PRB3: variants seen among roughly 807,000 people sequenced by gnomAD.
PRB3 encodes basic salivary proline-rich protein 3.
PRB3 carries 9 observed loss-of-function variants against 10.0 expected under a neutral mutation model. That is an observed-to-expected ratio of 0.90 (90% CI 0.54 to 1.57). The LOEUF (loss-of-function observed/expected upper bound fraction) is 1.57, where lower values mean the gene tolerates loss of function less well. Among genes scored for constraint, PRB3 ranks in the 40% most tolerant of loss-of-function variants. The pLI, the probability that PRB3 is intolerant of heterozygous loss-of-function variation, is 0.00. For missense variants in PRB3, 285 were observed against 385.5 expected (o/e 0.74, Z 2.18); for synonymous variants, 89 against 138.6 (o/e 0.64, Z 2.52).
Position 11,267,213 on chromosome 12 carries a change from G to T in PRB3, c.1036C>A (p.Gln346Lys), listed in dbSNP as rs1489411270. Residue 346 changes from glutamine (Q) to lysine (K), a missense_variant, in exon 3 of 4, where the codon CAG becomes AAG. Physicochemically the swap from Gln to Lys is moderately conservative, Grantham distance 53. Transcript: ENST00000538488. ...CTTGATTACTGGGGAGGCTGTCCCT[G>T]GGGAGGTCTGTGTGGTCTGCCCCCT... Reference protein sequence around the residue: ...PQGGRPHRPPQGQPPQ With the variant: ...PQGGRPHRPPKGQPPQ 1.2e-6 allele frequency: 2 copies of T among 1,613,912 alleles called. No individual in the cohort carries two copies. Among genetic ancestry groups the T allele is most frequent in the South Asian group, 2.2e-5 (2 of 91,062 alleles).
At chr12:11,268,295 G>A in intron 2 of PRB3, 147 bp from the exon 3 acceptor site, 1 of 1,391,568 alleles carries the variant, frequency 7.2e-7, no homozygotes, top group Non-Finnish European at 9.9e-7. Context: ...GGAGTGGAAT[G>A]CTGGAGAAGA....
intron 3 of PRB3, among the ~76,000 whole-genome samples, chr12:11,266,853 A>G (rs1948591774): frequency 6.6e-6 from 1 of 152,216 alleles, no homozygotes; most frequent in African/African-American, 2.4e-5. Context: ...AACAGTGCTC[A>G]GGTGAAAAAT....
Position 11,268,763 on chromosome 12 carries a change from C to T in PRB3, c.65-95G>A, listed in dbSNP as rs535813763. ...AGGGAAAGGGGACTTCTCACCACAC[C>T]CCATGCATCCCCTAGGTTAGCTCAT... On this transcript the variant is annotated intron_variant, in intron 1 of 3. Transcript: ENST00000538488. 66 of 1,369,166 alleles carry T rather than the reference C, an allele frequency of 4.8e-5. 1 individual carries two copies. The Admixed American group carries it at 1.1e-3, about 23-fold the overall frequency. The allele number at this position is 1,369,166 out of a possible 1,614,324, so 84.8% of individuals were successfully genotyped here. A position where few individuals can be genotyped will look rare whatever the true frequency, so the allele number is the denominator to read the frequency against.
chr12:11,267,264 GC>G lies in PRB3; in HGVS notation c.984del (p.Lys328AsnfsTer63). The G allele has an allele frequency of 6.2e-7, 1 of 1,613,702 alleles. No individual in the cohort carries two copies. Among genetic ancestry groups the G allele is most frequent in the Non-Finnish European group, 8.5e-7 (1 of 1,179,740 alleles). On this transcript the variant is annotated frameshift_variant, in exon 3 of 4. Transcript: ENST00000538488. LOFTEE classifies it low-confidence loss of function (END_TRUNC). The part of the protein sequence containing the change: ...PQQPLPPPAG[K>X]PQGPPPPPQG... ...TGAGGAGGTGGAGGTGGTCCCTGGG[GC>G]TTTCCAGCGGGAGGTGGCAGAGGCT... is the stretch of plus-strand genomic sequence containing the variant.
In PRB3 at chr12:11,268,130, C is replaced by T. The variant is rs71455370; in HGVS notation, c.119G>A (p.Arg40His). ...TTGGGGCTGGTTTCCTCCTTGTGGGCGTCGTCCTTCTGGCTTTCCTGGAGG... is the reference window on the plus strand; with the variant it reads ...TTGGGGCTGGTTTCCTCCTTGTGGGTGTCGTCCTTCTGGCTTTCCTGGAGG... The part of the protein sequence containing the change: ...SVISGKPEGR[R>H]PQGGNQPQRT... The change falls in exon 3 of 4, where the codon CGC becomes CAC. Residue 40 changes from arginine (R) to histidine (H), a missense_variant. By Grantham distance (29) the Arg-to-His change is conservative. Coordinates refer to ENST00000538488, the MANE Select transcript of PRB3 (RefSeq NM_001394862.1). The T allele has an allele frequency of 2.6e-5, 35 of 1,365,350 alleles. No individual in the cohort carries two copies. The highest frequency in any genetic ancestry group is 3.0e-5 in the Non-Finnish European group (31 of 1,023,614). The allele number at this position is 1,365,350 out of a possible 1,614,324, so 84.6% of individuals were successfully genotyped here. A position where few individuals can be genotyped will look rare whatever the true frequency, so the allele number is the denominator to read the frequency against.
At position 11,268,873 on chromosome 12, in the gene PRB3, C is replaced by T. The variant is rs558057126; in HGVS notation, c.65-205G>A. The stretch of plus-strand genomic sequence containing the variant: ...TACCACACAGAGCAACAGCCATGAA[C>T]TCAATATAGAAGAGCCCCTTTTTTT... On this transcript the variant is annotated intron_variant, in intron 1 of 3. Transcript: ENST00000538488. The T allele has an allele frequency of 1.2e-5, 8 of 661,816 alleles. No homozygotes were observed. The African/African-American group carries it at 1.4e-4, about 12-fold the overall frequency. The allele number at this position is 661,816 out of a possible 1,614,324, so 41.0% of individuals were successfully genotyped here. A position where few individuals can be genotyped will look rare whatever the true frequency, so the allele number is the denominator to read the frequency against.
intron 2 of PRB3, 29 bp from the exon 3 acceptor site, chr12:11,268,177 T>C: frequency 6.2e-7 from 1 of 1,613,680 alleles, no homozygotes; most frequent in Non-Finnish European, 8.5e-7. Context: ...CGGCATTCAC[T>C]GAATAGTTGC....
chr12:11,267,020 C>T (rs1178624514), intron 3 of PRB3, among the ~76,000 whole-genome samples, 156 bp downstream of exon 3: 1 of 152,204 alleles, frequency 6.6e-6, no homozygotes, highest in Non-Finnish European at 1.5e-5. Context: ...AATACAGGGT[C>T]TTCTTACCCT....
rs1431518480 is a variant in PRB3 at position 11,269,674 on chromosome 12, C to T, written c.-5G>A. The T allele has an allele frequency of 4.3e-6, 7 of 1,613,846 alleles. No individual in the cohort carries two copies. The Admixed American group carries it at 5.0e-5, about 12-fold the overall frequency. On this transcript the variant is annotated 5_prime_UTR_variant, in exon 1 of 4. Coordinates refer to ENST00000538488, the MANE Select transcript of PRB3 (RefSeq NM_001394862.1). ...CGACAGCAGAATCAGTAGCATCTTG[C>T]TGGAGGCTCTGGAGTCACTCCCAAC...
At chr12:11,268,497 G>T (rs1053925585) in intron 2 of PRB3, 136 bp downstream of exon 2, 3 of 1,238,148 alleles carry the variant, frequency 2.4e-6, no homozygotes, top group African/African-American at 1.5e-5. Flanking sequence ...GTTGCATGAA[G>T]ATTGCCTGCA....
At position 11,269,649 on chromosome 12, in the gene PRB3, C is replaced by T. The variant is rs374214346; in HGVS notation, c.21G>A (p.Ser7=). 8.5e-5 allele frequency: 137 copies of T among 1,613,928 alleles called. No individual in the cohort carries two copies. The highest frequency in any genetic ancestry group is 2.3e-4 in the Admixed American group (14 of 60,002). MLLILL[S]VALLALSSAQ... Reference sequence around the variant, plus strand: ...CTGAGCTCAGGGCCAGCAGGGCCACCGACAGCAGAATCAGTAGCATCTTGC... The same window carrying T: ...CTGAGCTCAGGGCCAGCAGGGCCACTGACAGCAGAATCAGTAGCATCTTGC... The change falls in exon 1 of 4, where the codon TCG becomes TCA. Residue 7 remains serine, a synonymous_variant. Coordinates refer to ENST00000538488, the MANE Select transcript of PRB3 (RefSeq NM_001394862.1).
Position 11,267,273 on chromosome 12 carries a change from C to A in PRB3, c.976G>T (p.Ala326Ser), listed in dbSNP as rs200124888. The A allele has an allele frequency of 2.2e-5, 36 of 1,612,800 alleles. No homozygotes were observed. Among genetic ancestry groups the A allele is most frequent in the Admixed American group, 1.0e-4 (6 of 59,946 alleles). ...GGAGGTGGTCCCTGGGGCTTTCCAG[C>A]GGGAGGTGGCAGAGGCTGCTGGGGA... ...GNPQQPLPPP[A>S]GKPQGPPPPP... Residue 326 changes from alanine (A) to serine (S), a missense_variant, in exon 3 of 4, where the codon GCT (alanine) becomes TCT (serine). Physicochemically the swap from Ala to Ser is moderately conservative, Grantham distance 99. Coordinates refer to ENST00000538488, the MANE Select transcript of PRB3 (RefSeq NM_001394862.1).
chr12:11,268,173 T>C (rs757752210), intron 2 of PRB3, 25 bp from the exon 3 acceptor site: 5 of 1,613,532 alleles, frequency 3.1e-6, no homozygotes, highest in Non-Finnish European at 4.2e-6. Flanking sequence ...CACACGGCAT[T>C]CACTGAATAG....
rs769836435 is a variant in PRB3, at chr12:11,267,965, C to T, written c.284G>A (p.Arg95His). The part of the protein sequence containing the change: ...GGNQSQGPPP[R>H]PGKPEGQPPQ... ...GGGTTGTCCTTCTGGCTTTCCCGGACGAGGTGGGGGACCTTGGGACTGGTT... is the reference window on the plus strand; with the variant it reads ...GGGTTGTCCTTCTGGCTTTCCCGGATGAGGTGGGGGACCTTGGGACTGGTT... Residue 95 changes from arginine (R) to histidine (H), a missense_variant, in exon 3 of 4, where the codon CGT (arginine) becomes CAT (histidine). By Grantham distance (29) the Arg-to-His change is conservative (BLOSUM62 0). Around this residue, in one of 3 missense-constraint regions of PRB3, gnomAD observed 147 missense variants for 129.4 expected, o/e 1.14. Transcript: ENST00000538488. The T allele has an allele frequency of 1.0e-4, 152 of 1,481,500 alleles. 6 individuals carry two copies. The highest frequency in any genetic ancestry group is 1.1e-4 in the Non-Finnish European group (126 of 1,117,264). 91.8% of individuals were successfully genotyped at this position (1,481,500 alleles called of 1,614,324 possible).
chr12:11,267,251 G>A lies in PRB3; in HGVS notation c.998C>T (p.Pro333Leu). Residue 333 changes from proline to leucine, a missense_variant, in exon 3 of 4, where the codon CCT becomes CTT. Pro to Leu is a moderately conservative substitution (Grantham distance 98, BLOSUM62 -3). Coordinates refer to ENST00000538488, the MANE Select transcript of PRB3 (RefSeq NM_001394862.1). ...PPPAGKPQGP[P>L]PPPQGGRPHR... ...TGGTCTGCCCCCTTGAGGAGGTGGA[G>A]GTGGTCCCTGGGGCTTTCCAGCGGG... 1 of 1,613,994 alleles carries A rather than the reference G, an allele frequency of 6.2e-7. No homozygotes were observed. The highest frequency in any genetic ancestry group is 2.2e-5 in the East Asian group (1 of 44,876).
chr12:11,268,811 T>A, intron 1 of PRB3, 143 bp from the exon 2 acceptor site: 1 of 1,053,154 alleles, frequency 9.5e-7, no homozygotes, highest in Admixed American at 1.7e-5. Flanking sequence ...GTGAAGCTGC[T>A]GGAAGGGGAG....
intron 3 of PRB3, among the ~76,000 whole-genome samples, chr12:11,266,280 T>C (rs1386844257): frequency 6.6e-6 from 1 of 152,232 alleles, no homozygotes; most frequent in Non-Finnish European, 1.5e-5. Flanking sequence ...GACTCATTGC[T>C]GTTGAATTTG....
chr12:11,268,323 C>T (rs1045455971), intron 2 of PRB3, among the ~76,000 whole-genome samples, 175 bp from the exon 3 acceptor site: 6 of 152,152 alleles, frequency 3.9e-5, no homozygotes, highest in Non-Finnish European at 2.9e-5. Flanking sequence ...AGTTGAGGGG[C>T]TCTCAGTCTA....
At chr12:11,267,085 G>A in intron 3 of PRB3, 91 bp downstream of exon 3, 2 of 1,290,674 alleles carry the variant, frequency 1.5e-6, no homozygotes, top group South Asian at 2.4e-5. Flanking sequence ...ACAATACAAT[G>A]TCAATGGGTT....
Sources: gnomAD v4.1 joint callset for allele counts (sites outside exome capture counted in the v4.1 genomes callset) on GRCh38, gnomAD v4.1.1 for gene constraint, gnomAD v4.1.1 regional missense constraint, MANE v1.5 for transcripts, NCBI Gene and HGNC (gene_info 2026-07-23, HGNC 2026-07-21) for gene names.